The following ITPR1 variants were observed in gnomAD, a reference collection of about 807,000 sequenced individuals.
The protein encoded by ITPR1 is inositol 1,4,5-trisphosphate receptor type 1.
A neutral mutation model predicts 318.4 loss-of-function variants in ITPR1; 96 were observed. The observed-to-expected ratio is 0.30, with a 90% CI of 0.26 to 0.36. The LOEUF is 0.36. ITPR1 is among the 10% of genes least tolerant of loss of function. ITPR1 has a pLI of 1.00. For missense variants in ITPR1, 2,440 were observed against 3,460.2 expected (o/e 0.71, Z 7.40); for synonymous variants, 1,312 against 1,289.9 (o/e 1.02, Z -0.37).
In ITPR1 at chr3:4,537,515, A is replaced by G. The variant is rs527715012; in HGVS notation, c.163+16421A>G. 2.0e-5 allele frequency among the ~76,000 whole-genome samples: 3 copies of G among 152,320 alleles called. No individual in the cohort carries two copies. The South Asian group carries it at 6.2e-4, about 32-fold the overall frequency. On this transcript the variant is annotated intron_variant, in intron 4 of 61. Coordinates refer to ENST00000649015, the MANE Select transcript of ITPR1 (RefSeq NM_001378452.1). ...ATGTTACCTGTGAATATGTTACCTCATATGGTATAGGGATTTCACAGATGT... is the reference window on the plus strand; with the variant it reads ...ATGTTACCTGTGAATATGTTACCTCGTATGGTATAGGGATTTCACAGATGT...
At chr3:4,744,112 A>T (rs1175071504) in intron 44 of ITPR1, among the ~76,000 whole-genome samples, 1 of 152,216 alleles carries the variant, frequency 6.6e-6, no homozygotes, top group Non-Finnish European at 1.5e-5. Flanking sequence ...CTGGGATTAC[A>T]GGCGTGAGCC....
rs151070601 is a variant in ITPR1, at chr3:4,646,986, C to T, written c.855+1258C>T. On this transcript the variant is annotated intron_variant, in intron 10 of 61. Coordinates refer to ENST00000649015, the MANE Select transcript of ITPR1 (RefSeq NM_001378452.1). Reference sequence around the variant, plus strand: ...GAGTATACAACTCAATGAATTTTTACGTATACGTTCAGCCATGTAACCAGC... The same window carrying T: ...GAGTATACAACTCAATGAATTTTTATGTATACGTTCAGCCATGTAACCAGC... Among the ~76,000 whole-genome samples, 669 of 152,074 alleles carry T rather than the reference C, an allele frequency of 4.4e-3. 8 individuals carry two copies. The highest frequency in any genetic ancestry group is 3.0e-3 in the Non-Finnish European group (206 of 67,990).
Position 4,732,313 on chromosome 3 carries a change from T to C in ITPR1, c.5221-775T>C, listed in dbSNP as rs372856929. Among the ~76,000 whole-genome samples the C allele has an allele frequency of 2.0e-4, 31 of 152,302 alleles. No individual in the cohort carries two copies. In the East Asian group the frequency reaches 2.9e-3, roughly 14 times the overall value. On this transcript the variant is annotated intron_variant, in intron 42 of 61. Coordinates refer to ENST00000649015, the MANE Select transcript of ITPR1 (RefSeq NM_001378452.1). ...AAATTTTATTACAGAAAGGTTGAAA[T>C]GTATATAAAAGGAGTCAGAAAGGTT...
At chr3:4,623,519 A>G (rs1183549153) in intron 4 of ITPR1, among the ~76,000 whole-genome samples, 1 of 152,232 alleles carries the variant, frequency 6.6e-6, no homozygotes, top group East Asian at 1.9e-4. Flanking sequence ...ATACGCACAC[A>G]TATGTACACA....
At chr3:4,638,260 T>C (rs1349272564) in intron 5 of ITPR1, among the ~76,000 whole-genome samples, 1 of 152,244 alleles carries the variant, frequency 6.6e-6, no homozygotes, top group Non-Finnish European at 1.5e-5. Flanking sequence ...ATCAGGGTTT[T>C]ACCATCCATC....
rs114481075 is a variant in ITPR1, at chr3:4,813,678, G to C, written c.7561+444G>C. Among the ~76,000 whole-genome samples the C allele has an allele frequency of 8.8e-3, 1,335 of 152,238 alleles. 22 individuals are homozygous for C. Among genetic ancestry groups the C allele is most frequent in the African/African-American group, 0.029 (1,209 of 41,542 alleles). ...AGGAGAGGGAATAGTACATCTAAAG[G>C]CTTTAAAGGTAAAAAGAAAAAAACA... On this transcript the variant is annotated intron_variant, in intron 57 of 61. Transcript: ENST00000649015.
chr3:4,729,989 A>G (rs2042789740), intron 42 of ITPR1, among the ~76,000 whole-genome samples: 1 of 148,006 alleles, frequency 6.8e-6, no homozygotes. Context: ...TGAACAGCTT[A>G]GTGCTGTTGA....
At chr3:4,750,746 T>TC (rs1386946015) in intron 44 of ITPR1, 1 of 152,258 alleles carries the variant, frequency 6.6e-6, no homozygotes, top group Non-Finnish European at 1.5e-5. Context: ...TTTCTTTCTT[T>TC]TTTTTTTTAA....
At chr3:4,677,203 A>G (rs559395323) in intron 24 of ITPR1, among the ~76,000 whole-genome samples, 26 of 152,250 alleles carry the variant, frequency 1.7e-4, no homozygotes, top group African/African-American at 4.8e-4. Context: ...CAATCAACAA[A>G]TATTTATTGA....
chr3:4,630,003 G>A (rs566598336), intron 5 of ITPR1, among the ~76,000 whole-genome samples: 15 of 152,164 alleles, frequency 9.9e-5, no homozygotes, highest in African/African-American at 3.1e-4. Context: ...CAAAAGCATT[G>A]TACCTTCTTT....
At chr3:4,620,628 T>C (rs1369918519) in intron 4 of ITPR1, among the ~76,000 whole-genome samples, 2 of 152,024 alleles carry the variant, frequency 1.3e-5, no homozygotes, top group African/African-American at 4.8e-5. Context: ...GAAGATTGAT[T>C]TGGGTTTTGT....
intron 61 of ITPR1, among the ~76,000 whole-genome samples, chr3:4,843,438 T>C (rs550636722): frequency 6.6e-6 from 1 of 152,300 alleles, no homozygotes; most frequent in African/African-American, 2.4e-5. Flanking sequence ...GAGCAGTGGT[T>C]CTCAAAGTGT....
chr3:4,589,837 T>A (rs968386322), intron 4 of ITPR1, among the ~76,000 whole-genome samples: 4 of 151,952 alleles, frequency 2.6e-5, no homozygotes, highest in East Asian at 3.9e-4. Flanking sequence ...TGGATCAGAA[T>A]CTCTGGGTAT....
At position 4,840,029 on chromosome 3, in the gene ITPR1, C is replaced by CTTTTTTTTT. The variant is rs56096727; in HGVS notation, c.8190+3115_8190+3123dup. ...TTACAGGAAAAATTCAGCATAGCTG[C>CTTTTTTTTT]TTTTTTTTTTTTTTTTTTTTTTTTT... is the stretch of plus-strand genomic sequence containing the variant. On this transcript the variant is annotated intron_variant, in intron 61 of 61. Transcript: ENST00000649015. 1.6e-3 allele frequency among the ~76,000 whole-genome samples: 164 copies of CTTTTTTTTT among 104,832 alleles called. 15 individuals carry two copies. Among genetic ancestry groups the CTTTTTTTTT allele is most frequent in the South Asian group, 1.8e-3 (7 of 3,800 alleles). 68.8% of individuals were successfully genotyped at this position (104,832 alleles called of 152,430 possible). A position where few individuals can be genotyped will look rare whatever the true frequency, so the allele number is the denominator to read the frequency against.
intron 51 of ITPR1, 92 bp downstream of exon 51, chr3:4,784,012 G>C: frequency 1.2e-6 from 1 of 858,668 alleles, no homozygotes; most frequent in Non-Finnish European, 1.9e-6. Flanking sequence ...TCATTCATCT[G>C]AGCAATGGAA....
At chr3:4,529,500 T>C (rs2083245872) in intron 4 of ITPR1, among the ~76,000 whole-genome samples, 1 of 152,220 alleles carries the variant, frequency 6.6e-6, no homozygotes, top group Non-Finnish European at 1.5e-5. Context: ...GTCTTGAGCA[T>C]TGATGAAGAT....
At chr3:4,567,298 G>A (rs530794011) in intron 4 of ITPR1, among the ~76,000 whole-genome samples, 1 of 152,216 alleles carries the variant, frequency 6.6e-6, no homozygotes, top group South Asian at 2.1e-4. Flanking sequence ...TGTAGCACTA[G>A]TGATCAGGAT....
In ITPR1 at chr3:4,842,134, T is replaced by G. The variant is rs370998258; in HGVS notation, c.8191-4005T>G. 1.2e-4 allele frequency among the ~76,000 whole-genome samples: 19 copies of G among 152,386 alleles called. No homozygotes were observed. In the South Asian group the frequency reaches 3.9e-3, roughly 32 times the overall value. On this transcript the variant is annotated intron_variant, in intron 61 of 61. Coordinates refer to ENST00000649015, the MANE Select transcript of ITPR1 (RefSeq NM_001378452.1). Reference sequence around the variant, plus strand: ...ATCATTTAGAGGCAATACTGGTAGATTAAAATTTGCCCATTTCTACTGTAT... The same window carrying G: ...ATCATTTAGAGGCAATACTGGTAGAGTAAAATTTGCCCATTTCTACTGTAT...
At position 4,669,642 on chromosome 3, in the gene ITPR1, G is replaced by A. The variant is rs761720361; in HGVS notation, c.1887-12G>A. ...TATCTACAGAAAATGTTTTGTTTCT[G>A]TTTCTGTTTAGATTCTTAGATTACC... On this transcript the variant is annotated splice_polypyrimidine_tract_variant and intron_variant, in intron 18 of 61. Coordinates refer to ENST00000649015, the MANE Select transcript of ITPR1 (RefSeq NM_001378452.1). 5 of 1,607,250 alleles carry A rather than the reference G, an allele frequency of 3.1e-6. No individual in the cohort carries two copies. In the East Asian group the frequency reaches 6.7e-5, roughly 22 times the overall value.
Sources: gnomAD v4.1 joint callset for allele counts (sites outside exome capture counted in the v4.1 genomes callset) on GRCh38, gnomAD v4.1.1 for gene constraint, MANE v1.5 for transcripts, NCBI Gene and HGNC (gene_info 2026-07-23, HGNC 2026-07-21) for gene names.